Variants in GRM8 observed in about 807,000 individuals in gnomAD.
GRM8 encodes glutamate metabotropic receptor 8.
In GRM8, 47 loss-of-function variants were observed where a neutral mutation model predicts 87.2. The ratio of observed to expected loss-of-function variants is 0.54; its 90% CI spans 0.43 to 0.69. The LOEUF is 0.69. GRM8 is among the 30% of genes least tolerant of loss of function. The pLI, the probability that GRM8 is intolerant of heterozygous loss-of-function variation, is 0.00. For missense variants in GRM8, 1,019 were observed against 1,139.2 expected (o/e 0.89, Z 1.52); for synonymous variants, 396 against 404.5 (o/e 0.98, Z 0.25).
Position 126,708,580 on chromosome 7 carries a change from TAGAG to T in GRM8, c.1357+61281_1357+61284del, listed in dbSNP as rs764722024. ...TATCATATATAGATTATATATCACA[TAGAG>T]AGAGCTCCATATATATATATGGAGG... On this transcript the variant is annotated intron_variant, in intron 7 of 10. Transcript: ENST00000339582. Among the ~76,000 whole-genome samples the T allele has an allele frequency of 3.5e-4, 52 of 150,678 alleles. 1 individual carries two copies. The highest frequency in any genetic ancestry group is 2.0e-3 in the Admixed American group (30 of 15,092).
intron 3 of GRM8, among the ~76,000 whole-genome samples, chr7:126,999,083 G>A (rs540175472): frequency 6.6e-6 from 1 of 151,856 alleles, no homozygotes; most frequent in South Asian, 2.1e-4. Context: ...GAACAGAATA[G>A]ATAACCCAGA....
Position 126,574,155 on chromosome 7 carries a change from C to A in GRM8, c.1494+35207G>T, listed in dbSNP as rs576136380. Among the ~76,000 whole-genome samples, 4 of 152,296 alleles carry A rather than the reference C, an allele frequency of 2.6e-5. No individual in the cohort carries two copies. The South Asian group carries it at 6.2e-4, about 24-fold the overall frequency. On this transcript the variant is annotated intron_variant, in intron 8 of 10. Coordinates refer to ENST00000339582, the MANE Select transcript of GRM8 (RefSeq NM_000845.3). ...ACACTGTTACCATCACCCACCTACCCTGGAGAAGAAATGCACATTTCTGGC... is the reference window on the plus strand; with the variant it reads ...ACACTGTTACCATCACCCACCTACCATGGAGAAGAAATGCACATTTCTGGC...
At chr7:126,467,203 T>G (rs1344750252) in intron 9 of GRM8, among the ~76,000 whole-genome samples, 1 of 151,426 alleles carries the variant, frequency 6.6e-6, no homozygotes, top group Non-Finnish European at 1.5e-5. Flanking sequence ...GCCCATATGT[T>G]CTCTTTGTTC....
At chr7:127,108,216 C>T (rs985202806) in intron 2 of GRM8, among the ~76,000 whole-genome samples, 2 of 152,170 alleles carry the variant, frequency 1.3e-5, no homozygotes, top group Non-Finnish European at 2.9e-5. Flanking sequence ...CTCGCAAGGA[C>T]ACCCCTCCAA....
intron 8 of GRM8, among the ~76,000 whole-genome samples, chr7:126,577,523 G>T (rs1795224364): frequency 2.0e-5 from 3 of 151,632 alleles, no homozygotes; most frequent in African/African-American, 2.4e-5. Flanking sequence ...AAAACACTAT[G>T]AAGTTCTACT....
chr7:127,049,609 T>C (rs546371879), intron 3 of GRM8, among the ~76,000 whole-genome samples: 2 of 152,248 alleles, frequency 1.3e-5, no homozygotes, highest in East Asian at 1.9e-4. Context: ...AGGATTCCCA[T>C]CCTCATTAAG....
chr7:127,009,075 T>A (rs1304634833), intron 3 of GRM8, among the ~76,000 whole-genome samples: 1 of 148,464 alleles, frequency 6.7e-6, no homozygotes, highest in African/African-American at 2.5e-5. Flanking sequence ...ATGATCCAGT[T>A]TTTTTTTTTT....
chr7:126,565,412 C>T (rs1794131583), intron 8 of GRM8, among the ~76,000 whole-genome samples: 1 of 151,946 alleles, frequency 6.6e-6, no homozygotes, highest in African/African-American at 2.4e-5. Context: ...TAATGACAAA[C>T]TATCTGAAAA....
intron 7 of GRM8, among the ~76,000 whole-genome samples, chr7:126,613,093 T>G (rs1291737593): frequency 1.3e-5 from 2 of 152,196 alleles, no homozygotes; most frequent in Non-Finnish European, 2.9e-5. Context: ...CAGGAAGAAC[T>G]GATTCCATTA....
Position 126,439,155 on chromosome 7 carries a change from C to G in GRM8, c.2691G>C (p.Lys897Asn). ...GATTGCTGTAACTGATATATGTTGT[C>G]TTGGTAGAGGAAGCTGTTAAGATAA... ...ESLETNTSST[K>N]TTYISYSNHS... The change falls in exon 11 of 11, where the codon AAG becomes AAC. Residue 897 changes from lysine (K) to asparagine (N), a missense_variant. Coordinates refer to ENST00000339582, the MANE Select transcript of GRM8 (RefSeq NM_000845.3). 6.4e-7 allele frequency: 1 copy of G among 1,559,294 alleles called. No homozygotes were observed. Among genetic ancestry groups the G allele is most frequent in the Non-Finnish European group, 8.8e-7 (1 of 1,130,468 alleles).
chr7:126,549,571 T>C (rs964043392), intron 8 of GRM8, among the ~76,000 whole-genome samples: 3 of 152,206 alleles, frequency 2.0e-5, no homozygotes, highest in African/African-American at 7.2e-5. Flanking sequence ...TTTATACATA[T>C]ATTTCTAGTT....
At chr7:126,513,911 A>G (rs1811783305) in intron 9 of GRM8, among the ~76,000 whole-genome samples, 1 of 152,090 alleles carries the variant, frequency 6.6e-6, no homozygotes, top group Non-Finnish European at 1.5e-5. Context: ...AACTGCCTAC[A>G]TGTAGCTTTT....
chr7:127,234,869 A>C (rs1797893214), intron 2 of GRM8, among the ~76,000 whole-genome samples: 1 of 152,210 alleles, frequency 6.6e-6, no homozygotes, highest in African/African-American at 2.4e-5. Context: ...CTATGAGAAG[A>C]GCCCAGGAAG....
At chr7:127,015,050 A>AAGAAGAAGAAGAAGAAAGAAAGAAGG (rs1815349983) in intron 3 of GRM8, among the ~76,000 whole-genome samples, 1 of 127,460 alleles carries the variant, frequency 7.8e-6, no homozygotes, top group East Asian at 2.3e-4. Flanking sequence ...GAAGAAGAAG[A>AAGAAGAAGAAGAAGAAAGAAAGAAGG]AGAAGAAGAA....
intron 3 of GRM8, among the ~76,000 whole-genome samples, chr7:126,953,399 C>G (rs532741153): frequency 3.7e-4 from 57 of 152,060 alleles, no homozygotes; most frequent in Admixed American, 6.6e-4. Flanking sequence ...TTGCAAAGAC[C>G]GTGGCCTTAA....
intron 3 of GRM8, among the ~76,000 whole-genome samples, chr7:126,931,844 G>A (rs1400692012): frequency 6.6e-6 from 1 of 152,114 alleles, no homozygotes; most frequent in Non-Finnish European, 1.5e-5. Flanking sequence ...ATTTTCTGAT[G>A]TGTATAATAA....
At chr7:126,850,106 C>T (rs1380251900) in intron 6 of GRM8, among the ~76,000 whole-genome samples, 1 of 152,180 alleles carries the variant, frequency 6.6e-6, no homozygotes, top group East Asian at 1.9e-4. Context: ...CCTGAATCTA[C>T]ATCAATCATA....
At chr7:126,754,547 T>C (rs145383397) in intron 7 of GRM8, among the ~76,000 whole-genome samples, 145 of 152,010 alleles carry the variant, frequency 9.5e-4, no homozygotes, top group Non-Finnish European at 1.5e-3. Flanking sequence ...TATGAAGCAA[T>C]TCAAAATCTA....
chr7:126,674,620 A>G (rs972604528), intron 7 of GRM8, among the ~76,000 whole-genome samples: 5 of 152,176 alleles, frequency 3.3e-5, no homozygotes, highest in Non-Finnish European at 7.4e-5. Context: ...ATTTAATGAA[A>G]TAAGTATAAT....
Sources: allele counts gnomAD v4.1 joint callset (sites outside exome capture counted in the v4.1 genomes callset), GRCh38; gene constraint gnomAD v4.1.1; transcripts MANE v1.5; gene names NCBI Gene and HGNC (gene_info 2026-07-23, HGNC 2026-07-21).